NT5C2: variants seen among roughly 807,000 people sequenced by gnomAD.
The protein encoded by NT5C2 is cytosolic purine 5'-nucleotidase.
In NT5C2, 58 loss-of-function variants were observed where a neutral mutation model predicts 76.1. The ratio of observed to expected loss-of-function variants is 0.76; its 90% CI spans 0.62 to 0.95. The LOEUF is 0.95. Among genes scored for constraint, NT5C2 ranks in the 40% least tolerant of loss-of-function variants. The pLI is 0.00. For synonymous variants in NT5C2, 229 were observed against 237.4 expected, an observed-to-expected ratio of 0.96 and a Z score of 0.32; for missense variants, 478 against 690.3, an observed-to-expected ratio of 0.69 and a Z score of 3.45.
intron 3 of NT5C2, among the ~76,000 whole-genome samples, chr10:103,142,986 C>CAAAAAAAA (rs371773086): frequency 2.0e-5 from 1 of 50,342 alleles, no homozygotes. Context: ...AAGATTCCAT[C>CAAAAAAAA]AAAAAAAAAA....
chr10:103,131,847 G>A (rs2136089367), intron 4 of NT5C2, among the ~76,000 whole-genome samples: 1 of 152,250 alleles, frequency 6.6e-6, no homozygotes, highest in East Asian at 1.9e-4. Context: ...ACCTAAGTCT[G>A]GGAGGTTAAG....
At chr10:103,183,406 T>G (rs1250028042) in intron 1 of NT5C2, among the ~76,000 whole-genome samples, 2 of 146,042 alleles carry the variant, frequency 1.4e-5, no homozygotes, top group African/African-American at 2.5e-5. Context: ...CTTTAATAAC[T>G]CTAATGAATT....
At chr10:103,090,132 T>G (rs910530756) in intron 18 of NT5C2, 7 of 443,236 alleles carry the variant, frequency 1.6e-5, no homozygotes, top group Non-Finnish European at 2.8e-5. Flanking sequence ...AGCTGGAAAT[T>G]GGAAAAGATG....
At chr10:103,192,757 G>A (rs958744845) in intron 1 of NT5C2, among the ~76,000 whole-genome samples, 3 of 152,154 alleles carry the variant, frequency 2.0e-5, no homozygotes, top group Non-Finnish European at 2.9e-5. Flanking sequence ...GGGGCGGGGA[G>A]GCTTTTACAA....
At chr10:103,132,464 T>A (rs2078379572) in intron 4 of NT5C2, among the ~76,000 whole-genome samples, 1 of 152,182 alleles carries the variant, frequency 6.6e-6, no homozygotes, top group Non-Finnish European at 1.5e-5. Flanking sequence ...AATTGTACTA[T>A]GGTCAAGCAA....
chr10:103,163,557 T>C (rs1383725600), intron 3 of NT5C2, among the ~76,000 whole-genome samples: 1 of 152,214 alleles, frequency 6.6e-6, no homozygotes, highest in Non-Finnish European at 1.5e-5. Context: ...CATCTGTATA[T>C]ATCTTCTTAG....
chr10:103,189,002 G>C (rs570398934), intron 1 of NT5C2, among the ~76,000 whole-genome samples: 1 of 149,512 alleles, frequency 6.7e-6, no homozygotes, highest in Middle Eastern at 3.4e-3. Context: ...ACTCCGTCTC[G>C]GAAAAAAAAA....
intron 4 of NT5C2, among the ~76,000 whole-genome samples, chr10:103,130,237 G>A (rs2077859498): frequency 6.6e-6 from 1 of 151,578 alleles, no homozygotes; most frequent in Non-Finnish European, 1.5e-5. Flanking sequence ...TTGGGATCCT[G>A]TTGATCTGTG....
At chr10:103,160,209 G>A (rs1456009102) in intron 3 of NT5C2, among the ~76,000 whole-genome samples, 1 of 152,042 alleles carries the variant, frequency 6.6e-6, no homozygotes, top group African/African-American at 2.4e-5. Flanking sequence ...AATGAATCTG[G>A]ACCCCTATCT....
At chr10:103,111,322 A>T (rs1374099275) in intron 4 of NT5C2, among the ~76,000 whole-genome samples, 1 of 152,236 alleles carries the variant, frequency 6.6e-6, no homozygotes, top group East Asian at 1.9e-4. Flanking sequence ...CTAGAGTCCC[A>T]AAAGGAGGAC....
rs2068859749 is a variant in NT5C2, at chr10:103,098,935, T to C, written c.683A>G (p.Lys228Arg). ...TVENLEKYVV[K>R]DGKLPLLLSR... ...ATTTTCCCCTATATTACTTACATCT[T>C]TGACTACATACTTCTCAAGATTTTC... The change falls in exon 10 of 19, where the codon AAA becomes AGA. Residue 228 changes from lysine to arginine, a missense_variant. Physicochemically the swap from Lys to Arg is conservative, Grantham distance 26 (BLOSUM62 2). Transcript: ENST00000404739. 6.2e-7 allele frequency: 1 copy of C among 1,603,640 alleles called. No homozygotes were observed. The highest frequency in any genetic ancestry group is 1.3e-5 in the African/African-American group (1 of 74,824).
At chr10:103,173,055 C>T (rs1348989022) in intron 3 of NT5C2, among the ~76,000 whole-genome samples, 1 of 152,066 alleles carries the variant, frequency 6.6e-6, no homozygotes, top group African/African-American at 2.4e-5. Context: ...CATCATATTG[C>T]CCAGGCTGTT....
chr10:103,112,342 C>G (rs1261515143), intron 4 of NT5C2, among the ~76,000 whole-genome samples: 2 of 152,042 alleles, frequency 1.3e-5, no homozygotes, highest in South Asian at 4.2e-4. Context: ...TCATCATTAT[C>G]AAGATGACTA....
intron 6 of NT5C2, among the ~76,000 whole-genome samples, chr10:103,104,854 C>T (rs1302658934): frequency 6.6e-6 from 1 of 152,120 alleles, no homozygotes; most frequent in African/African-American, 2.4e-5. Context: ...CCTATTCTGC[C>T]ATCAAGAATG....
chr10:103,105,502 A>G (rs2071001819), intron 6 of NT5C2: 1 of 539,050 alleles, frequency 1.9e-6, no homozygotes, highest in African/African-American at 1.9e-5. Context: ...AAGGCACTTA[A>G]TTTAAACAAA....
At position 103,089,888 on chromosome 10, in the gene NT5C2, C is replaced by T; in HGVS notation, c.1470G>A (p.Val490=). ...AHVLMPHEST[V]EHTHVDINEM... ...CATTGATATCTACGTGTGTGTGCTC[C>T]ACCGTTGATTCATGAGGCATCTAGA... The change falls in exon 19 of 19, where the codon GTG becomes GTA. Residue 490 remains valine (V), a synonymous_variant. Transcript: ENST00000404739. 6.2e-7 allele frequency: 1 copy of T among 1,606,798 alleles called. No homozygotes were observed. Among genetic ancestry groups the T allele is most frequent in the South Asian group, 1.1e-5 (1 of 90,102 alleles).
intron 4 of NT5C2, among the ~76,000 whole-genome samples, chr10:103,133,860 G>C (rs1342100058): frequency 6.6e-6 from 1 of 152,180 alleles, no homozygotes; most frequent in Non-Finnish European, 1.5e-5. Context: ...GTCTCAGATG[G>C]AAATGAGGAA....
chr10:103,165,593 T>C (rs1475722865), intron 3 of NT5C2, among the ~76,000 whole-genome samples: 136 of 106,978 alleles, frequency 1.3e-3, no homozygotes, highest in African/African-American at 3.8e-3. Context: ...TTTTTTTTTT[T>C]CTAGAAACAG....
At chr10:103,115,867 G>T (rs1054761890) in intron 4 of NT5C2, among the ~76,000 whole-genome samples, 1 of 151,886 alleles carries the variant, frequency 6.6e-6, no homozygotes, top group East Asian at 1.9e-4. Context: ...AGTATTGAGG[G>T]TGTTTATCTC....
Sources: allele counts gnomAD v4.1 joint callset (sites outside exome capture counted in the v4.1 genomes callset), GRCh38; gene constraint gnomAD v4.1.1; transcripts MANE v1.5; gene names NCBI Gene and HGNC (gene_info 2026-07-23, HGNC 2026-07-21).